The following POLR1A variants were observed in gnomAD, a reference collection of about 807,000 sequenced individuals.
The protein encoded by POLR1A is DNA-directed RNA polymerase I subunit RPA1.
Under a neutral mutation model 205.3 loss-of-function variants are expected in POLR1A, and 84 were observed. The observed-to-expected ratio is 0.41, with a 90% CI of 0.34 to 0.49. POLR1A has a LOEUF of 0.49. Ranked by LOEUF, POLR1A falls within the 20% of genes least tolerant of loss-of-function variation. The probability of loss-of-function intolerance (pLI) is 0.22; values close to 1 mark genes in which losing one functional copy is unlikely to be tolerated. For synonymous variants in POLR1A, 799 were observed against 863.7 expected (o/e 0.93, Z 1.31); for missense variants, 1,645 against 2,204.5 (o/e 0.75, Z 5.08).
chr2:86,046,049 AC>A (rs112755399), intron 19 of POLR1A, among the ~76,000 whole-genome samples: 25,029 of 152,102 alleles, frequency 0.16, 4,716 homozygotes, highest in African/African-American at 0.46. Context: ...CTCATGTTAT[AC>A]CTGTAAAGGA....
intron 3 of POLR1A, among the ~76,000 whole-genome samples, chr2:86,091,114 T>C (rs756020971): frequency 1.8e-4 from 28 of 152,224 alleles, no homozygotes; most frequent in Middle Eastern, 3.4e-3. Flanking sequence ...CCTTGTACAA[T>C]CACTCAGGCC....
chr2:86,054,669 C>T (rs977102198), intron 14 of POLR1A, among the ~76,000 whole-genome samples: 1 of 152,206 alleles, frequency 6.6e-6, no homozygotes, highest in Non-Finnish European at 1.5e-5. Context: ...TTTACTATGA[C>T]TGGAATTAAT....
chr2:86,098,638 G>A lies in POLR1A; in HGVS notation c.405C>T (p.Val135=). The change falls in exon 3 of 34, where the codon GTC becomes GTT. Residue 135 remains valine (V), a synonymous_variant. Transcript: ENST00000263857. ...RVLEVGALQA[V]YELERILNRF... is the part of the protein sequence containing the mutation. ...TGTTCAGAATTCTCTCAAGCTCGTA[G>A]ACTGCTTGTAGGGCCCCGACTTCCA... The A allele has an allele frequency of 6.2e-7, 1 of 1,613,644 alleles. No homozygotes were observed. The highest frequency in any genetic ancestry group is 1.1e-5 in the South Asian group (1 of 90,994).
intron 14 of POLR1A, among the ~76,000 whole-genome samples, 184 bp downstream of exon 14, chr2:86,065,090 C>G (rs1463750734): frequency 6.6e-6 from 1 of 152,130 alleles, no homozygotes; most frequent in African/African-American, 2.4e-5. Context: ...GCAGTCTACT[C>G]TTGCTAGACA....
chr2:86,064,987 C>T (rs567159923), intron 14 of POLR1A, among the ~76,000 whole-genome samples: 1 of 152,192 alleles, frequency 6.6e-6, no homozygotes, highest in Admixed American at 6.5e-5. Context: ...GTTAGCCAGG[C>T]TGGTCTCAAA....
intron 25 of POLR1A, 138 bp from the exon 26 acceptor site, chr2:86,039,600 C>T: frequency 9.8e-7 from 1 of 1,019,532 alleles, no homozygotes. Flanking sequence ...TATGCTAGAT[C>T]AGAGAATCCC....
At chr2:86,071,632 T>C (rs554769923) in intron 12 of POLR1A, among the ~76,000 whole-genome samples, 18 of 152,334 alleles carry the variant, frequency 1.2e-4, no homozygotes, top group Admixed American at 5.9e-4. Context: ...TCACAAGTAA[T>C]TGTACCCCTC....
In POLR1A at chr2:86,105,850, T is replaced by C; in HGVS notation, c.-74A>G. 7.3e-7 allele frequency: 1 copy of C among 1,362,358 alleles called. No individual in the cohort carries two copies. The highest frequency in any genetic ancestry group is 1.8e-4 in the Middle Eastern group (1 of 5,554). The allele number at this position is 1,362,358 out of a possible 1,614,324, so 84.4% of individuals were successfully genotyped here. On this transcript the variant is annotated 5_prime_UTR_variant, in exon 1 of 34. Transcript: ENST00000263857. ...CCACCTGACTATTCTTAATTCAACCTCAAGCCCGGAGTCACCACGCGATTC... is the reference window on the plus strand; with the variant it reads ...CCACCTGACTATTCTTAATTCAACCCCAAGCCCGGAGTCACCACGCGATTC...
chr2:86,101,486 C>T (rs941493239), intron 1 of POLR1A, among the ~76,000 whole-genome samples: 8 of 152,180 alleles, frequency 5.3e-5, no homozygotes, highest in African/African-American at 1.9e-4. Context: ...ATATGGTCAC[C>T]TTGCTGCCAG....
intron 13 of POLR1A, among the ~76,000 whole-genome samples, chr2:86,069,460 T>A (rs1406941323): frequency 1.3e-5 from 2 of 152,324 alleles, no homozygotes; most frequent in Admixed American, 1.3e-4. Context: ...GGAAGTTCTA[T>A]CCTTCCCTCG....
intron 21 of POLR1A, 113 bp from the exon 22 acceptor site, chr2:86,044,417 G>C: frequency 8.7e-7 from 1 of 1,144,342 alleles, no homozygotes; most frequent in Non-Finnish European, 1.3e-6. Context: ...TGTTCTGCAG[G>C]CAAACAAGAC....
chr2:86,100,896 T>A (rs1207190575), intron 1 of POLR1A, among the ~76,000 whole-genome samples: 1 of 152,072 alleles, frequency 6.6e-6, no homozygotes, highest in Non-Finnish European at 1.5e-5. Context: ...CATGTACTTT[T>A]CAGAGGACGA....
intron 14 of POLR1A, among the ~76,000 whole-genome samples, chr2:86,057,235 G>A (rs1228937174): frequency 6.6e-6 from 1 of 152,170 alleles, no homozygotes; most frequent in Non-Finnish European, 1.5e-5. Context: ...GACTTCAGTG[G>A]AGGAAGTAAT....
chr2:86,036,502 G>A (rs1672498063), intron 27 of POLR1A, among the ~76,000 whole-genome samples: 1 of 152,086 alleles, frequency 6.6e-6, no homozygotes, highest in South Asian at 2.1e-4. Context: ...AGAAAAAGAG[G>A]GTGGCAGAGA....
intron 3 of POLR1A, among the ~76,000 whole-genome samples, chr2:86,095,902 G>C (rs1465176225): frequency 6.6e-6 from 1 of 151,874 alleles, no homozygotes; most frequent in Admixed American, 6.6e-5. Flanking sequence ...TAATTTTTTT[G>C]TATTTTTAGT....
At chr2:86,094,458 A>G (rs988354580) in intron 3 of POLR1A, among the ~76,000 whole-genome samples, 1 of 152,160 alleles carries the variant, frequency 6.6e-6, no homozygotes, top group African/African-American at 2.4e-5. Context: ...CCTTTCTGGC[A>G]TGTGACATTC....
intron 12 of POLR1A, among the ~76,000 whole-genome samples, chr2:86,071,227 CATGTGTGTGTGTGTGT>C (rs771710506): frequency 3.6e-4 from 53 of 147,354 alleles, no homozygotes; most frequent in Non-Finnish European, 5.6e-4. Context: ...TCTCCGTGTG[CATGTGTGTGTGTGTGT>C]GTGTGTGTGT....
At chr2:86,093,049 A>T (rs1369126572) in intron 3 of POLR1A, among the ~76,000 whole-genome samples, 1 of 152,244 alleles carries the variant, frequency 6.6e-6, no homozygotes, top group African/African-American at 2.4e-5. Flanking sequence ...GGTTAATTTA[A>T]CATTAGGAAA....
intron 6 of POLR1A, among the ~76,000 whole-genome samples, chr2:86,086,846 AG>A: frequency 6.6e-6 from 1 of 152,380 alleles, no homozygotes; most frequent in African/African-American, 2.4e-5. Flanking sequence ...ACATTTTATA[AG>A]GCATCCTAAG....
Sources: gnomAD v4.1 joint callset for allele counts (sites outside exome capture counted in the v4.1 genomes callset) on GRCh38, gnomAD v4.1.1 for gene constraint, MANE v1.5 for transcripts, NCBI Gene and HGNC (gene_info 2026-07-23, HGNC 2026-07-21) for gene names.